MARCHF10: variants seen among roughly 807,000 people sequenced by gnomAD.
The protein encoded by MARCHF10 is membrane associated ring-CH-type finger 10.
MARCHF10 carries 64 observed loss-of-function variants against 76.2 expected under a neutral mutation model. The ratio of observed to expected loss-of-function variants is 0.84; its 90% CI spans 0.69 to 1.03. MARCHF10 has a LOEUF of 1.03. Ranked by LOEUF, MARCHF10 falls within the 50% of genes least tolerant of loss-of-function variation. MARCHF10 has a pLI of 0.00. For missense variants in MARCHF10, 875 were observed against 958.0 expected (o/e 0.91, Z 1.14); for synonymous variants, 340 against 357.5 (o/e 0.95, Z 0.55).
intron 5 of MARCHF10, among the ~76,000 whole-genome samples, chr17:62,743,493 A>G (rs56023585): frequency 1.5e-3 from 222 of 152,252 alleles, no homozygotes; most frequent in African/African-American, 5.1e-3. Context: ...GATACAAAAA[A>G]TTAGCCGGGC....
chr17:62,762,876 C>T (rs575138004), intron 3 of MARCHF10, among the ~76,000 whole-genome samples: 2 of 152,306 alleles, frequency 1.3e-5, no homozygotes, highest in East Asian at 1.9e-4. Context: ...CATCGTATCA[C>T]GCAGGGAGGA....
intron 2 of MARCHF10, among the ~76,000 whole-genome samples, chr17:62,791,047 T>G (rs11867290): frequency 0.61 from 92,851 of 152,094 alleles, 30,429 homozygotes; most frequent in African/African-American, 0.86. Flanking sequence ...AACACTGGAC[T>G]CTGTTTGTTT....
chr17:62,764,073 G>A (rs562131495), intron 3 of MARCHF10, among the ~76,000 whole-genome samples: 2 of 152,198 alleles, frequency 1.3e-5, no homozygotes, highest in East Asian at 1.9e-4. Flanking sequence ...AGGTGAAAAC[G>A]CATGGGTTGA....
chr17:62,797,638 AGTG>A (rs909657187), intron 2 of MARCHF10, among the ~76,000 whole-genome samples: 1 of 152,174 alleles, frequency 6.6e-6, no homozygotes, highest in African/African-American at 2.4e-5. Flanking sequence ...ACGTTGGCAA[AGTG>A]GTGAAGTGTA....
rs550907949 is a variant in MARCHF10, at chr17:62,713,779, C to T, written c.2215-2435G>A. On this transcript the variant is annotated intron_variant, in intron 8 of 10. Coordinates refer to ENST00000311269, the MANE Select transcript of MARCHF10 (RefSeq NM_152598.4). Reference sequence around the variant, plus strand: ...CAATCACATCACACTTTGACTCCCACGTGGAGTTCCCTTTGTGTGCCAGAC... The same window carrying T: ...CAATCACATCACACTTTGACTCCCATGTGGAGTTCCCTTTGTGTGCCAGAC... 4.6e-5 allele frequency among the ~76,000 whole-genome samples: 7 copies of T among 152,130 alleles called. No individual in the cohort carries two copies. The East Asian group carries it at 1.2e-3, about 25-fold the overall frequency.
intron 4 of MARCHF10, 44 bp from the exon 5 acceptor site, chr17:62,744,572 A>C (rs1013679478): frequency 1.9e-6 from 3 of 1,604,908 alleles, no homozygotes; most frequent in Non-Finnish European, 2.6e-6. Flanking sequence ...TGTTTACAGG[A>C]AAATGTCTTC....
At chr17:62,794,670 G>A (rs778045372) in intron 2 of MARCHF10, among the ~76,000 whole-genome samples, 19 of 152,158 alleles carry the variant, frequency 1.2e-4, no homozygotes, top group Non-Finnish European at 2.5e-4. Flanking sequence ...GACTTCAGAA[G>A]CCATGTGCCC....
chr17:62,799,993 T>C (rs890335546), intron 2 of MARCHF10, among the ~76,000 whole-genome samples: 62 of 152,204 alleles, frequency 4.1e-4, no homozygotes, highest in Non-Finnish European at 7.6e-4. Flanking sequence ...AGACCTCCCC[T>C]GCTTCTAAGG....
intron 3 of MARCHF10, among the ~76,000 whole-genome samples, chr17:62,761,292 A>G (rs11079486): frequency 0.5 from 75,523 of 152,104 alleles, 20,306 homozygotes; most frequent in East Asian, 0.7. Flanking sequence ...CTCAGATAAA[A>G]GAACCAGAAA....
At chr17:62,796,071 C>G (rs1423282007) in intron 2 of MARCHF10, among the ~76,000 whole-genome samples, 1 of 151,298 alleles carries the variant, frequency 6.6e-6, no homozygotes, top group Non-Finnish European at 1.5e-5. Flanking sequence ...GTGGCGTCAT[C>G]TCGGCTCACC....
intron 4 of MARCHF10, among the ~76,000 whole-genome samples, chr17:62,752,414 C>T (rs2091923475): frequency 6.6e-6 from 1 of 152,204 alleles, no homozygotes; most frequent in Non-Finnish European, 1.5e-5. Context: ...ACCTGGCTGC[C>T]CTGCCTGCAG....
At chr17:62,709,488 C>CA (rs1022756389) in intron 9 of MARCHF10, among the ~76,000 whole-genome samples, 2 of 151,836 alleles carry the variant, frequency 1.3e-5, no homozygotes, top group South Asian at 2.1e-4. Flanking sequence ...AAAAATAAAA[C>CA]AAAAAAACAA....
intron 6 of MARCHF10, among the ~76,000 whole-genome samples, chr17:62,729,342 G>A (rs2090911796): frequency 6.6e-6 from 1 of 151,450 alleles, no homozygotes; most frequent in Non-Finnish European, 1.5e-5. Flanking sequence ...TATAAGTATT[G>A]AATATGTATT....
chr17:62,785,747 A>G (rs904047599), intron 3 of MARCHF10, among the ~76,000 whole-genome samples: 4 of 152,230 alleles, frequency 2.6e-5, no homozygotes, highest in African/African-American at 7.2e-5. Flanking sequence ...AAAAGAAGAC[A>G]TCTATGCAGC....
At chr17:62,794,470 T>A (rs1324501080) in intron 2 of MARCHF10, among the ~76,000 whole-genome samples, 1 of 152,236 alleles carries the variant, frequency 6.6e-6, no homozygotes, top group Admixed American at 6.5e-5. Context: ...TTCATCCTTG[T>A]TTTTCTGCCC....
chr17:62,730,818 C>T (rs1204957027), intron 6 of MARCHF10, among the ~76,000 whole-genome samples: 6 of 151,918 alleles, frequency 3.9e-5, no homozygotes, highest in South Asian at 2.1e-4. Context: ...CACTTGAACC[C>T]GGGAGGCGGA....
intron 3 of MARCHF10, among the ~76,000 whole-genome samples, chr17:62,771,961 C>T (rs150750413): frequency 4.1e-4 from 62 of 152,232 alleles, no homozygotes; most frequent in African/African-American, 1.5e-3. Flanking sequence ...TAGGAGGCCA[C>T]TGCAGTAACT....
chr17:62,774,431 G>A (rs536630504), intron 3 of MARCHF10, among the ~76,000 whole-genome samples: 2 of 152,266 alleles, frequency 1.3e-5, no homozygotes, highest in Admixed American at 6.5e-5. Context: ...ACAAGGGGGA[G>A]AGGATGGTAG....
chr17:62,710,550 C>CTTTTTTTTTT (rs552647502), intron 9 of MARCHF10, among the ~76,000 whole-genome samples: 4 of 88,620 alleles, frequency 4.5e-5, no homozygotes, highest in African/African-American at 2.0e-4. Context: ...TTGAACCCAG[C>CTTTTTTTTTT]TTTTTTTTTT....
Sources: allele counts gnomAD v4.1 joint callset (sites outside exome capture counted in the v4.1 genomes callset), GRCh38; gene constraint gnomAD v4.1.1; transcripts MANE v1.5; gene names NCBI Gene and HGNC (gene_info 2026-07-23, HGNC 2026-07-21).